EXT1: variants seen among roughly 807,000 people sequenced by gnomAD.
EXT1 encodes exostosin glycosyltransferase 1.
In EXT1, 20 loss-of-function variants were observed where a neutral mutation model predicts 82.5. That is an observed-to-expected ratio of 0.24 (90% CI 0.17 to 0.35). The LOEUF (loss-of-function observed/expected upper bound fraction) is 0.35. EXT1 is among the 10% of genes least tolerant of loss of function. The pLI is 1.00. For synonymous variants in EXT1, 348 were observed against 350.8 expected (o/e 0.99, Z 0.09); for missense variants, 757 against 936.5 (o/e 0.81, Z 2.50).
At chr8:118,010,349 G>A (rs986015134) in intron 1 of EXT1, among the ~76,000 whole-genome samples, 11 of 145,678 alleles carry the variant, frequency 7.6e-5, no homozygotes, top group African/African-American at 2.9e-4. Flanking sequence ...TCCAGCCTGA[G>A]CGACAGAGGG....
At chr8:117,846,434 C>A (rs924481518) in intron 1 of EXT1, among the ~76,000 whole-genome samples, 1 of 152,136 alleles carries the variant, frequency 6.6e-6, no homozygotes, top group Non-Finnish European at 1.5e-5. Flanking sequence ...CACAGCAATA[C>A]CCACTTCCAA....
intron 1 of EXT1, among the ~76,000 whole-genome samples, chr8:117,935,080 C>T (rs907725735): frequency 6.6e-6 from 1 of 152,148 alleles, no homozygotes; most frequent in Admixed American, 6.5e-5. Context: ...GCCTCAATGT[C>T]CTCCTTATCT....
intron 1 of EXT1, among the ~76,000 whole-genome samples, chr8:117,954,327 G>A (rs1009839986): frequency 2.0e-5 from 3 of 152,302 alleles, no homozygotes; most frequent in African/African-American, 2.4e-5. Flanking sequence ...CTCCTAAGAG[G>A]AGACCCAAGG....
intron 1 of EXT1, among the ~76,000 whole-genome samples, chr8:117,887,232 A>T (rs1194551392): frequency 1.3e-5 from 2 of 152,228 alleles, no homozygotes; most frequent in Admixed American, 1.3e-4. Flanking sequence ...GGTCTTTCAG[A>T]ATAGTATTTA....
Position 117,863,531 on chromosome 8 carries a change from C to T in EXT1, c.963-26330G>A, listed in dbSNP as rs902155593. Among the ~76,000 whole-genome samples the T allele has an allele frequency of 4.0e-4, 60 of 151,488 alleles. 1 individual carries two copies. Among genetic ancestry groups the T allele is most frequent in the African/African-American group, 1.4e-3 (58 of 41,212 alleles). ...AATCCACAATCTGGCACAGAGTACA[C>T]GCCTAGACAGATTTATCATATGTCC... On this transcript the variant is annotated intron_variant, in intron 1 of 10. Transcript: ENST00000378204.
chr8:117,843,599 T>C (rs981054699), intron 1 of EXT1, among the ~76,000 whole-genome samples: 2 of 152,024 alleles, frequency 1.3e-5, no homozygotes, highest in Admixed American at 1.3e-4. Flanking sequence ...CTGTTACTGG[T>C]GGGTTGCCAC....
rs550451566 is a variant in EXT1, at chr8:117,795,816, A to G, written c.*3896T>C. The stretch of plus-strand genomic sequence containing the variant: ...ACTCTGTCTCAAAGAAAAAAAAAAG[A>G]CTTGGTGTCAAAGGATAAACTAATC... On this transcript the variant is annotated 3_prime_UTR_variant, in exon 11 of 11. Transcript: ENST00000378204. The G allele has an allele frequency of 6.6e-6, 1 of 152,120 alleles. No individual in the cohort carries two copies. Among genetic ancestry groups the G allele is most frequent in the African/African-American group, 2.4e-5 (1 of 41,468 alleles). 9.4% of individuals were successfully genotyped at this position (152,120 alleles called of 1,614,324 possible). A position where few individuals can be genotyped will look rare whatever the true frequency, so the allele number is the denominator to read the frequency against.
chr8:117,801,241 C>G (rs762017914), intron 10 of EXT1, among the ~76,000 whole-genome samples: 1 of 152,182 alleles, frequency 6.6e-6, no homozygotes, highest in Non-Finnish European at 1.5e-5. Flanking sequence ...TTGAATCTCA[C>G]CACAATCTGG....
In EXT1 at chr8:117,861,397, T is replaced by C. The variant is rs193031916; in HGVS notation, c.963-24196A>G. The stretch of plus-strand genomic sequence containing the variant: ...AAGTCTATCTTCTCCAATTTACTTA[T>C]TGAGCTTTATGAGGCAATTTAAGTC... On this transcript the variant is annotated intron_variant, in intron 1 of 10. Transcript: ENST00000378204. Among the ~76,000 whole-genome samples, 52 of 152,322 alleles carry C rather than the reference T, an allele frequency of 3.4e-4. No individual in the cohort carries two copies. The East Asian group carries it at 8.7e-3, about 25-fold the overall frequency.
intron 1 of EXT1, among the ~76,000 whole-genome samples, chr8:117,952,382 G>A (rs1265902382): frequency 6.6e-6 from 1 of 152,262 alleles, no homozygotes; most frequent in East Asian, 1.9e-4. Flanking sequence ...CTGCCTTCCA[G>A]GTAGCCTGCT....
At chr8:118,073,692 GAGAAGAGAAGAGA>G (rs879400121) in intron 1 of EXT1, among the ~76,000 whole-genome samples, 4,187 of 141,508 alleles carry the variant, frequency 0.03, 102 homozygotes, top group Middle Eastern at 0.089. Context: ...GAGAAGAGAA[GAGAAGAGAAGAGA>G]AGCCTCTTAA....
chr8:118,100,882 C>A (rs896806908), intron 1 of EXT1, among the ~76,000 whole-genome samples: 1 of 152,134 alleles, frequency 6.6e-6, no homozygotes, highest in Non-Finnish European at 1.5e-5. Flanking sequence ...TCCACCCCTA[C>A]CCCACACACA....
At chr8:118,096,260 A>G (rs1437731179) in intron 1 of EXT1, among the ~76,000 whole-genome samples, 1 of 152,222 alleles carries the variant, frequency 6.6e-6, no homozygotes, top group Non-Finnish European at 1.5e-5. Flanking sequence ...TTATGCAGCA[A>G]AACCCTTTGG....
At chr8:118,072,654 T>C (rs767471367) in intron 1 of EXT1, among the ~76,000 whole-genome samples, 11 of 152,238 alleles carry the variant, frequency 7.2e-5, no homozygotes, top group Non-Finnish European at 1.3e-4. Context: ...ATTCTGGAGA[T>C]AGATCTGGCT....
At chr8:118,002,424 C>T (rs1815686178) in intron 1 of EXT1, among the ~76,000 whole-genome samples, 1 of 145,556 alleles carries the variant, frequency 6.9e-6, no homozygotes, top group Admixed American at 6.9e-5. Context: ...TTCCTGATGT[C>T]TCTTTAATTT....
At chr8:117,962,570 G>A (rs544624993) in intron 1 of EXT1, among the ~76,000 whole-genome samples, 1 of 152,268 alleles carries the variant, frequency 6.6e-6, no homozygotes, top group South Asian at 2.1e-4. Context: ...TGGCCAACAT[G>A]GTGAAACGCC....
At chr8:117,977,302 G>A (rs1019263293) in intron 1 of EXT1, among the ~76,000 whole-genome samples, 3 of 150,050 alleles carry the variant, frequency 2.0e-5, no homozygotes, top group Non-Finnish European at 3.0e-5. Flanking sequence ...CAGGAGAATC[G>A]CTTGAACCCA....
intron 1 of EXT1, among the ~76,000 whole-genome samples, chr8:118,066,291 TCTTC>T (rs1029876953): frequency 1.5e-4 from 23 of 152,070 alleles, no homozygotes; most frequent in African/African-American, 5.6e-4. Context: ...ATATATTTTC[TCTTC>T]CTTATTATTT....
Position 117,822,512 on chromosome 8 carries a change from T to G in EXT1, c.1370A>C (p.Gln457Pro), listed in dbSNP as rs756607210. ...KHPGGLFVLPQYSSYLGDFPY... is the reference protein window; with the variant it reads ...KHPGGLFVLPPYSSYLGDFPY... ...AAAATCTCCCAGATAAGATGAATAC[T>G]GTGGTAGTACGAACAATCCTCCAGG... The change falls in exon 5 of 11, where the codon CAG becomes CCG. Residue 457 changes from glutamine to proline, a missense_variant. This residue lies in a region of EXT1 where 207 missense variants were observed against 224.2 expected (regional missense o/e 0.92). Transcript: ENST00000378204. The G allele has an allele frequency of 1.9e-6, 3 of 1,613,556 alleles. No homozygotes were observed. The highest frequency in any genetic ancestry group is 1.7e-6 in the Non-Finnish European group (2 of 1,179,768).
Sources: allele counts gnomAD v4.1 joint callset (sites outside exome capture counted in the v4.1 genomes callset), GRCh38; gene constraint gnomAD v4.1.1; regional missense constraint gnomAD v4.1.1; transcripts MANE v1.5; gene names NCBI Gene and HGNC (gene_info 2026-07-23, HGNC 2026-07-21).